LRP1B: variants seen among roughly 807,000 people sequenced by gnomAD.
LRP1B encodes the protein low-density lipoprotein receptor-related protein 1B.
In LRP1B, 217 loss-of-function variants were observed where a neutral mutation model predicts 556.6. The ratio of observed to expected loss-of-function variants is 0.39; its 90% CI spans 0.35 to 0.44. The LOEUF is 0.44. Among genes scored for constraint, LRP1B ranks in the 20% least tolerant of loss-of-function variants. The probability of loss-of-function intolerance (pLI) is 1.00; values close to 1 mark genes in which losing one functional copy is unlikely to be tolerated. For missense variants in LRP1B, 5,053 were observed against 5,620.8 expected (o/e 0.90, Z 3.23); for synonymous variants, 2,047 against 1,865.8 (o/e 1.10, Z -2.50).
At chr2:140,594,106 T>A (rs1487940525) in intron 43 of LRP1B, among the ~76,000 whole-genome samples, 1 of 151,832 alleles carries the variant, frequency 6.6e-6, no homozygotes, top group Non-Finnish European at 1.5e-5. Context: ...GCCTCCCGAG[T>A]AGCTGGGACG....
intron 7 of LRP1B, among the ~76,000 whole-genome samples, chr2:141,142,118 C>G (rs1701668075): frequency 6.6e-6 from 1 of 151,850 alleles, no homozygotes; most frequent in Admixed American, 6.6e-5. Flanking sequence ...TTTAAAATAC[C>G]CTAATTATCT....
chr2:141,818,215 G>T (rs1256952609), intron 1 of LRP1B, among the ~76,000 whole-genome samples: 2 of 152,138 alleles, frequency 1.3e-5, no homozygotes, highest in African/African-American at 4.8e-5. Context: ...CAGAATTCTT[G>T]TAGAGGCCTA....
At chr2:141,836,110 T>C (rs1697268679) in intron 1 of LRP1B, among the ~76,000 whole-genome samples, 2 of 151,982 alleles carry the variant, frequency 1.3e-5, no homozygotes. Flanking sequence ...TGTGTATGTC[T>C]TGTGAAAAGA....
At chr2:140,697,400 T>C (rs1412948391) in intron 41 of LRP1B, among the ~76,000 whole-genome samples, 1 of 152,026 alleles carries the variant, frequency 6.6e-6, no homozygotes, top group Non-Finnish European at 1.5e-5. Flanking sequence ...TTTAATACTC[T>C]ATTATATGAA....
intron 89 of LRP1B, 55 bp downstream of exon 89, chr2:140,238,095 CAG>C (rs1680790662): frequency 2.0e-6 from 3 of 1,464,634 alleles, no homozygotes; most frequent in Non-Finnish European, 1.8e-6. Context: ...AACCATAAAA[CAG>C]AGATGCGACT....
chr2:141,250,945 A>G (rs1443492191), intron 4 of LRP1B, among the ~76,000 whole-genome samples: 1 of 152,188 alleles, frequency 6.6e-6, no homozygotes, highest in Non-Finnish European at 1.5e-5. Flanking sequence ...GATGTCTAAA[A>G]TTACATTTGA....
chr2:140,891,013 G>T (rs1453486396), intron 23 of LRP1B, among the ~76,000 whole-genome samples: 1 of 151,996 alleles, frequency 6.6e-6, no homozygotes, highest in Non-Finnish European at 1.5e-5. Flanking sequence ...CAGTATACTA[G>T]CTTCTATCTC....
chr2:140,946,675 G>T (rs1187346774), intron 20 of LRP1B, among the ~76,000 whole-genome samples: 1 of 151,904 alleles, frequency 6.6e-6, no homozygotes. Flanking sequence ...CTCATTACTC[G>T]GTATATACCA....
At chr2:141,818,686 G>A (rs1463669039) in intron 1 of LRP1B, among the ~76,000 whole-genome samples, 2 of 151,138 alleles carry the variant, frequency 1.3e-5, no homozygotes, top group Admixed American at 1.3e-4. Flanking sequence ...ACAGGCGCCT[G>A]CCACCACACC....
intron 43 of LRP1B, among the ~76,000 whole-genome samples, chr2:140,597,347 G>A (rs1291464852): frequency 3.9e-5 from 6 of 152,038 alleles, no homozygotes; most frequent in African/African-American, 1.4e-4. Flanking sequence ...ATAAATGGGT[G>A]GGGAAGTGCA....
chr2:140,841,206 G>C (rs1455870487), intron 29 of LRP1B, 114 bp from the exon 30 acceptor site: 26 of 641,340 alleles, frequency 4.1e-5, no homozygotes, highest in Non-Finnish European at 7.7e-6. Context: ...TAATTTGTTA[G>C]CTAAAATCGC....
Position 140,572,017 on chromosome 2 carries a change from A to G in LRP1B, c.7194+26614T>C, listed in dbSNP as rs144515589. On this transcript the variant is annotated intron_variant, in intron 43 of 90. Transcript: ENST00000389484. ...AAAATGGATTAAAGACTTAAATGTA[A>G]AACTTGAAGCTATAAAACTACTAAA... Among the ~76,000 whole-genome samples the G allele has an allele frequency of 3.5e-3, 527 of 151,922 alleles. 7 individuals are homozygous for G. The highest frequency in any genetic ancestry group is 0.012 in the African/African-American group (515 of 41,530).
chr2:140,734,906 C>A (rs557362861), intron 35 of LRP1B, among the ~76,000 whole-genome samples: 88 of 152,276 alleles, frequency 5.8e-4, no homozygotes, highest in African/African-American at 2.0e-3. Context: ...ACTTCCTCCC[C>A]TCTATCTTTC....
chr2:141,508,608 T>C (rs574575223), intron 2 of LRP1B, among the ~76,000 whole-genome samples: 12 of 151,640 alleles, frequency 7.9e-5, no homozygotes, highest in Non-Finnish European at 1.6e-4. Context: ...TCTGGTATAG[T>C]TGTCTCTTGG....
At chr2:141,934,567 G>A (rs1487262435) in intron 1 of LRP1B, among the ~76,000 whole-genome samples, 2 of 152,076 alleles carry the variant, frequency 1.3e-5, no homozygotes, top group African/African-American at 4.8e-5. Flanking sequence ...GTTTGGTTGT[G>A]TCCCCACCCA....
intron 2 of LRP1B, among the ~76,000 whole-genome samples, chr2:141,664,840 T>A (rs892392685): frequency 6.6e-6 from 1 of 152,142 alleles, no homozygotes; most frequent in East Asian, 1.9e-4. Context: ...CCTCACAGAA[T>A]TGGACAAAAA....
At chr2:140,950,514 T>G (rs557142234) in intron 19 of LRP1B, 112 bp from the exon 20 acceptor site, 5 of 848,432 alleles carry the variant, frequency 5.9e-6, no homozygotes, top group Non-Finnish European at 8.9e-6. Flanking sequence ...GACAGAGTCT[T>G]GCTCTGTCAC....
chr2:141,980,866 C>T (rs189911093), intron 1 of LRP1B, among the ~76,000 whole-genome samples: 7 of 152,138 alleles, frequency 4.6e-5, no homozygotes, highest in East Asian at 3.9e-4. Flanking sequence ...TTCACTTTGA[C>T]ATTTCACTTG....
At chr2:141,150,872 T>TGG (rs1701906385) in intron 7 of LRP1B, among the ~76,000 whole-genome samples, 1 of 114,286 alleles carries the variant, frequency 8.7e-6, no homozygotes, top group Non-Finnish European at 1.8e-5. Flanking sequence ...TGCTGGTTTG[T>TGG]GTGTGTGTGT....
Sources: gnomAD v4.1 joint callset for allele counts (sites outside exome capture counted in the v4.1 genomes callset) on GRCh38, gnomAD v4.1.1 for gene constraint, MANE v1.5 for transcripts, NCBI Gene and HGNC (gene_info 2026-07-23, HGNC 2026-07-21) for gene names.